C1QTNF1: variants seen among roughly 807,000 people sequenced by gnomAD.
The protein encoded by C1QTNF1 is C1q and TNF related 1.
C1QTNF1 carries 22 observed loss-of-function variants against 27.8 expected under a neutral mutation model. The ratio of observed to expected loss-of-function variants is 0.79; its 90% confidence interval spans 0.56 to 1.13. The LOEUF (loss-of-function observed/expected upper bound fraction) is 1.13. C1QTNF1 is among the 50% of genes most tolerant of loss of function. The pLI, the probability that C1QTNF1 is intolerant of heterozygous loss-of-function variation, is 0.00. For synonymous variants in C1QTNF1, 166 were observed against 154.3 expected (o/e 1.08, Z -0.56); for missense variants, 373 against 380.2 (o/e 0.98, Z 0.16).
chr17:79,042,028 AAG>A (rs2072424245), intron 1 of C1QTNF1, among the ~76,000 whole-genome samples: 1 of 152,210 alleles, frequency 6.6e-6, no homozygotes, highest in Non-Finnish European at 1.5e-5. Flanking sequence ...CCTCTCAAGA[AAG>A]AGCTGGAGTC....
At chr17:79,040,233 G>A (rs1337655589) in intron 1 of C1QTNF1, among the ~76,000 whole-genome samples, 5 of 152,230 alleles carry the variant, frequency 3.3e-5, no homozygotes, top group Non-Finnish European at 7.3e-5. Flanking sequence ...GCCAAGGCAG[G>A]TGAATTGCTT....
chr17:79,047,452 C>T (rs913983990), intron 3 of C1QTNF1, 86 bp from the exon 4 acceptor site: 46 of 1,339,214 alleles, frequency 3.4e-5, no homozygotes, highest in African/African-American at 1.8e-4. Flanking sequence ...ATCAGGACAG[C>T]GCCAGGGACC....
chr17:79,038,067 A>T (rs1015756498), intron 1 of C1QTNF1, among the ~76,000 whole-genome samples: 1 of 151,252 alleles, frequency 6.6e-6, no homozygotes, highest in African/African-American at 2.4e-5. Flanking sequence ...TTGGCTCACC[A>T]CAACCTCTGC....
rs572980755 is a variant in C1QTNF1 at position 79,043,634 on chromosome 17, G to T, written c.-14-321G>T. ...TTGGGTGCATGTGAATGTGTGGGTT[G>T]CATGTGAGTGTATGTGACTGTGTGT... On this transcript the variant is annotated intron_variant, in intron 1 of 3. Transcript: ENST00000579760. The T allele has an allele frequency of 3.9e-3, 1,923 of 491,066 alleles. 6 individuals carry two copies. The highest frequency in any genetic ancestry group is 5.5e-3 in the Non-Finnish European group (1,375 of 250,938). The allele number at this position is 491,066 out of a possible 1,614,324, so 30.4% of individuals were successfully genotyped here. A position where few individuals can be genotyped will look rare whatever the true frequency, so the allele number is the denominator to read the frequency against.
chr17:79,035,171 C>T (rs749456452), intron 1 of C1QTNF1, among the ~76,000 whole-genome samples: 8 of 152,114 alleles, frequency 5.3e-5, no homozygotes, highest in African/African-American at 1.7e-4. Context: ...AGAAGGACAC[C>T]CCAACGTGGC....
At chr17:79,045,057 G>A (rs1339318245) in intron 2 of C1QTNF1, among the ~76,000 whole-genome samples, 3 of 152,190 alleles carry the variant, frequency 2.0e-5, no homozygotes, top group African/African-American at 4.8e-5. Context: ...ACAGGGCAGC[G>A]TGGTGGGCTT....
intron 1 of C1QTNF1, among the ~76,000 whole-genome samples, chr17:79,025,217 A>C (rs993591930): frequency 6.6e-6 from 1 of 152,104 alleles, no homozygotes; most frequent in Non-Finnish European, 1.5e-5. Context: ...CCCACCACCC[A>C]GCCCTCCATG....
Position 79,046,671 on chromosome 17 carries a change from A to G in C1QTNF1, c.272A>G (p.Gln91Arg). The change falls in exon 3 of 4, where the codon CAG becomes CGG. Residue 91 changes from glutamine to arginine, a missense_variant. Gln to Arg is a conservative substitution (Grantham distance 43). Coordinates refer to ENST00000579760, the MANE Select transcript of C1QTNF1 (RefSeq NM_030968.5). This position sits in a 1 kb window ranked among gnomAD's most constrained non-coding sequence, Gnocchi z 4.8. ...TSMYPATAVPQINITILKGEK... is the reference protein window; with the variant it reads ...TSMYPATAVPRINITILKGEK... Reference sequence around the variant, plus strand: ...ATGTACCCGGCGACCGCCGTGCCCCAGATCAACATCACTATCTTGAAAGGT... The same window carrying G: ...ATGTACCCGGCGACCGCCGTGCCCCGGATCAACATCACTATCTTGAAAGGT... 1 of 1,614,182 alleles carries G rather than the reference A, an allele frequency of 6.2e-7. No homozygotes were observed. The highest frequency in any genetic ancestry group is 8.5e-7 in the Non-Finnish European group (1 of 1,180,028).
intron 1 of C1QTNF1, among the ~76,000 whole-genome samples, chr17:79,030,621 A>G (rs1262018561): frequency 7.2e-6 from 1 of 139,236 alleles, no homozygotes; most frequent in African/African-American, 2.7e-5. Flanking sequence ...CTTTTTTGAG[A>G]CAGAGTCTTG....
rs1468475024 is a variant in C1QTNF1 at position 79,047,974 on chromosome 17, C to T, written c.732C>T (p.Asp244=). 1.9e-6 allele frequency: 3 copies of T among 1,613,566 alleles called. No individual in the cohort carries two copies. Among genetic ancestry groups the T allele is most frequent in the African/African-American group, 2.7e-5 (2 of 74,924 alleles). Residue 244 remains aspartate (D), a synonymous_variant, in exon 4 of 4, where the codon GAC becomes GAT. Coordinates refer to ENST00000579760, the MANE Select transcript of C1QTNF1 (RefSeq NM_030968.5). ...TGATGCTGGAGCTGCGAGAGCAGGA[C>T]CAGGTGTGGGTACGCCTCTACAAGG... The part of the protein sequence containing the change: ...QSLMLELREQ[D]QVWVRLYKGE...
At chr17:79,033,598 C>T (rs1043450375) in intron 1 of C1QTNF1, among the ~76,000 whole-genome samples, 14 of 151,538 alleles carry the variant, frequency 9.2e-5, no homozygotes, top group South Asian at 2.1e-4. Flanking sequence ...TCCAGCTACC[C>T]GGGAGGCTGA....
At position 79,048,356 on chromosome 17, in the gene C1QTNF1, C is replaced by G; in HGVS notation, c.*268C>G. Reference sequence around the variant, plus strand: ...TCTCTGCACACATCCTCAAGTGACCCCGCACGGCGAGACGCGGGTGGCGGC... The same window carrying G: ...TCTCTGCACACATCCTCAAGTGACCGCGCACGGCGAGACGCGGGTGGCGGC... On this transcript the variant is annotated 3_prime_UTR_variant, in exon 4 of 4. Transcript: ENST00000579760. The G allele has an allele frequency of 2.6e-6, 1 of 390,104 alleles. No individual in the cohort carries two copies. The allele number at this position is 390,104 out of a possible 1,614,324, so 24.2% of individuals were successfully genotyped here.
In C1QTNF1 at chr17:79,048,138, C is replaced by CTGACCCCAGGGCTCAGCACCAGGG; in HGVS notation, c.*58_*59insGGGCTCAGCACCAGGGTGACCCCA. 1 of 1,440,718 alleles carries CTGACCCCAGGGCTCAGCACCAGGG rather than the reference C, an allele frequency of 6.9e-7. No homozygotes were observed. The highest frequency in any genetic ancestry group is 9.1e-7 in the Non-Finnish European group (1 of 1,095,234). The allele number at this position is 1,440,718 out of a possible 1,614,324, so 89.2% of individuals were successfully genotyped here. The stretch of plus-strand genomic sequence containing the variant: ...CGCCACCTTCCACCCCTGCGCTGTG[C>CTGACCCCAGGGCTCAGCACCAGGG]TGACCCCACCGCCTCTTCCCCGATC... On this transcript the variant is annotated 3_prime_UTR_variant, in exon 4 of 4. Transcript: ENST00000579760.
In C1QTNF1 at chr17:79,043,945, T is replaced by C; in HGVS notation, c.-14-10T>C. On this transcript the variant is annotated splice_polypyrimidine_tract_variant and intron_variant, in intron 1 of 3. Transcript: ENST00000579760. ...CTCGGTGCCTTCCCTGTGTGTTTCT[T>C]TCCCACCAGGGCCCGGCAGGAAGAT... 8.1e-6 allele frequency: 13 copies of C among 1,613,616 alleles called. No individual in the cohort carries two copies. Among genetic ancestry groups the C allele is most frequent in the Non-Finnish European group, 1.1e-5 (13 of 1,179,952 alleles).
intron 1 of C1QTNF1, among the ~76,000 whole-genome samples, chr17:79,039,122 G>T (rs2072335478): frequency 6.6e-6 from 1 of 150,690 alleles, no homozygotes; most frequent in Admixed American, 6.6e-5. Context: ...AAATCCCTTT[G>T]CTAGACTAGA....
chr17:79,047,238 C>CTT lies in C1QTNF1; in HGVS notation c.296-286_296-285dup, dbSNP rs372840829. ...TGTTCCATTTTCTTTTTTTTCTTTT[C>CTT]TTTTTTTTTTTTTTTACCAGGGCTT... On this transcript the variant is annotated intron_variant, in intron 3 of 3. Coordinates refer to ENST00000579760, the MANE Select transcript of C1QTNF1 (RefSeq NM_030968.5). 1,797 of 276,508 alleles carry CTT rather than the reference C, an allele frequency of 6.5e-3. 7 individuals carry two copies. Among genetic ancestry groups the CTT allele is most frequent in the African/African-American group, 0.016 (645 of 40,674 alleles). The allele number at this position is 276,508 out of a possible 1,614,324, so 17.1% of individuals were successfully genotyped here.
At chr17:79,030,139 G>T (rs1391924913) in intron 1 of C1QTNF1, among the ~76,000 whole-genome samples, 1 of 152,068 alleles carries the variant, frequency 6.6e-6, no homozygotes, top group East Asian at 1.9e-4. Context: ...CCCCAGGGTG[G>T]GGCTTATTTG....
In C1QTNF1 at chr17:79,047,722, C is replaced by T; in HGVS notation, c.480C>T (p.His160=). The part of the protein sequence containing the change: ...VGRKKPMHSN[H]YYQTVIFDTE... The stretch of plus-strand genomic sequence containing the variant: ...GGAAGAAGCCCATGCACAGCAACCA[C>T]TACTACCAGACGGTGATCTTCGACA... The change falls in exon 4 of 4, where the codon CAC becomes CAT. Residue 160 remains histidine, a synonymous_variant. Coordinates refer to ENST00000579760, the MANE Select transcript of C1QTNF1 (RefSeq NM_030968.5). The T allele has an allele frequency of 1.9e-6, 3 of 1,614,176 alleles. No homozygotes were observed. Among genetic ancestry groups the T allele is most frequent in the Admixed American group, 1.7e-5 (1 of 60,026 alleles).
rs997553346 is a variant in C1QTNF1, at chr17:79,024,228, C to CT, written c.-278dup. 3.3e-5 allele frequency: 5 copies of CT among 152,360 alleles called. No individual in the cohort carries two copies. Among genetic ancestry groups the CT allele is most frequent in the Non-Finnish European group, 7.3e-5 (5 of 68,126 alleles). 9.4% of individuals were successfully genotyped at this position (152,360 alleles called of 1,614,324 possible). On this transcript the variant is annotated 5_prime_UTR_variant, in exon 1 of 4. Transcript: ENST00000579760. Reference sequence around the variant, plus strand: ...CCCACTTTCTCCCTCTCTTCCTTTACTTTCGAGAAACCGCGCTTCCGCTTC... The same window carrying CT: ...CCCACTTTCTCCCTCTCTTCCTTTACTTTTCGAGAAACCGCGCTTCCGCTTC...
Sources: allele counts gnomAD v4.1 joint callset (sites outside exome capture counted in the v4.1 genomes callset), GRCh38; gene constraint gnomAD v4.1.1; non-coding constraint Gnocchi (gnomAD v3.1); transcripts MANE v1.5; gene names NCBI Gene and HGNC (gene_info 2026-07-23, HGNC 2026-07-21).